Variants in VTCN1 observed in about 807,000 individuals in gnomAD.
VTCN1 encodes V-set domain containing T cell activation inhibitor 1.
A neutral mutation model predicts 26.5 loss-of-function variants in VTCN1; 26 were observed. The ratio of observed to expected loss-of-function variants is 0.98; its 90% confidence interval spans 0.72 to 1.36. The LOEUF is 1.36. VTCN1 is among the 40% of genes most tolerant of loss of function. The probability of loss-of-function intolerance (pLI) is 0.00; values close to 1 mark genes in which losing one functional copy is unlikely to be tolerated. For synonymous variants in VTCN1, 116 were observed against 130.7 expected (o/e 0.89, Z 0.77); for missense variants, 298 against 337.7 (o/e 0.88, Z 0.92).
At chr1:117,149,293 GTT>G (rs1553206854) in intron 4 of VTCN1, among the ~76,000 whole-genome samples, 3 of 141,536 alleles carry the variant, frequency 2.1e-5, no homozygotes, top group Admixed American at 7.1e-5. Context: ...TTTGGGGTGG[GTT>G]TTTTTTTTTT....
Position 117,207,849 on chromosome 1 carries a change from A to G in VTCN1, c.32+2975T>C, listed in dbSNP as rs553560788. 3.3e-5 allele frequency among the ~76,000 whole-genome samples: 5 copies of G among 152,248 alleles called. No homozygotes were observed. In the East Asian group the frequency reaches 5.8e-4, roughly 18 times the overall value. Reference sequence around the variant, plus strand: ...ATCAAATATCACCAGTTTTAAGTCCAGTGTTTCCTGAATCCATTTTCCTCC... The same window carrying G: ...ATCAAATATCACCAGTTTTAAGTCCGGTGTTTCCTGAATCCATTTTCCTCC... On this transcript the variant is annotated intron_variant, in intron 1 of 5. Coordinates refer to ENST00000369458, the MANE Select transcript of VTCN1 (RefSeq NM_024626.4).
intron 1 of VTCN1, among the ~76,000 whole-genome samples, chr1:117,191,922 C>T (rs1188824624): frequency 6.6e-6 from 1 of 152,032 alleles, no homozygotes; most frequent in Non-Finnish European, 1.5e-5. Context: ...TGCCACTGAA[C>T]TCCTGTTCTC....
chr1:117,173,403 G>A (rs1653030674), intron 1 of VTCN1: 2 of 429,636 alleles, frequency 4.7e-6, no homozygotes, highest in Non-Finnish European at 8.3e-6. Context: ...ACCATGTAAA[G>A]ATGAAAGCAG....
At chr1:117,202,895 G>T (rs564726736) in intron 1 of VTCN1, among the ~76,000 whole-genome samples, 5 of 152,340 alleles carry the variant, frequency 3.3e-5, no homozygotes, top group Admixed American at 1.3e-4. Context: ...GAGAGATGGG[G>T]TGGGTAGCTG....
intron 1 of VTCN1, among the ~76,000 whole-genome samples, chr1:117,205,159 G>T (rs10923226): frequency 0.47 from 47,126 of 99,268 alleles, 9,027 homozygotes; most frequent in African/African-American, 0.6. Context: ...TATATATATA[G>T]AGAGAGAGAG....
intron 1 of VTCN1, among the ~76,000 whole-genome samples, chr1:117,173,849 T>C (rs1362699839): frequency 6.6e-6 from 1 of 152,208 alleles, no homozygotes; most frequent in Non-Finnish European, 1.5e-5. Context: ...AAGTTGTGCA[T>C]TTCGGCCAAA....
In VTCN1 at chr1:117,144,483, GATGAC is replaced by G. The variant is rs2101407698; in HGVS notation, c.*783_*787del. On this transcript the variant is annotated 3_prime_UTR_variant, in exon 6 of 6. Transcript: ENST00000369458. ...GGAAAGGAGAAGCCTCAGAGCTTGT[GATGAC>G]ATAATGCCATATAGACAAGGTGAAA... The G allele has an allele frequency of 6.6e-6, 1 of 152,300 alleles. No individual in the cohort carries two copies. The highest frequency in any genetic ancestry group is 2.1e-4 in the South Asian group (1 of 4,828). The allele number at this position is 152,300 out of a possible 1,614,324, so 9.4% of individuals were successfully genotyped here. A position where few individuals can be genotyped will look rare whatever the true frequency, so the allele number is the denominator to read the frequency against.
Position 117,144,348 on chromosome 1 carries a change from CA to C in VTCN1, c.*922del, listed in dbSNP as rs1651404427. 1 of 152,290 alleles carries C rather than the reference CA, an allele frequency of 6.6e-6. No homozygotes were observed. The highest frequency in any genetic ancestry group is 1.5e-5 in the Non-Finnish European group (1 of 68,074). 9.4% of individuals were successfully genotyped at this position (152,290 alleles called of 1,614,324 possible). ...TCCTCCACTCCCTCATTGAGGTAAC[CA>C]AAATTGTCTTCAGACATTCCCCCGG... On this transcript the variant is annotated 3_prime_UTR_variant, in exon 6 of 6. Transcript: ENST00000369458.
intron 1 of VTCN1, among the ~76,000 whole-genome samples, chr1:117,170,671 G>C (rs1324186091): frequency 6.6e-6 from 1 of 151,874 alleles, no homozygotes; most frequent in Non-Finnish European, 1.5e-5. Flanking sequence ...ACTGCACTCC[G>C]TAAGTCATCA....
intron 3 of VTCN1, among the ~76,000 whole-genome samples, chr1:117,154,508 G>A (rs1651963040): frequency 6.6e-6 from 1 of 152,204 alleles, no homozygotes; most frequent in Non-Finnish European, 1.5e-5. Flanking sequence ...TGGAGGCCAG[G>A]CGCAGTGGCA....
At chr1:117,174,504 C>G (rs914986592) in intron 1 of VTCN1, among the ~76,000 whole-genome samples, 1 of 152,198 alleles carries the variant, frequency 6.6e-6, no homozygotes. Context: ...CGGTGACTCA[C>G]GGCTGTAATC....
At position 117,167,354 on chromosome 1, in the gene VTCN1, AC is replaced by A. The variant is rs1471874705; in HGVS notation, c.97+2752del. On this transcript the variant is annotated intron_variant, in intron 2 of 5. Transcript: ENST00000369458. This position sits in a 1 kb window ranked among gnomAD's most constrained non-coding sequence, Gnocchi z 4.1. ...TGCCCTCATGCCCCTCCTCACTGCT[AC>A]CTGCTTACTTGTCCCCAAAGGTAAT... is the stretch of plus-strand genomic sequence containing the variant. 6.6e-6 allele frequency among the ~76,000 whole-genome samples: 1 copy of A among 152,124 alleles called. No individual in the cohort carries two copies. The highest frequency in any genetic ancestry group is 1.5e-5 in the Non-Finnish European group (1 of 68,016).
chr1:117,175,473 G>A lies in VTCN1; in HGVS notation c.33-5302C>T, dbSNP rs1342063933. On this transcript the variant is annotated intron_variant, in intron 1 of 5. Transcript: ENST00000369458. This position sits in a 1 kb window ranked among gnomAD's most constrained non-coding sequence, Gnocchi z 4.2. ...TACTTCTCTGGAGAGGGAGCCCCGT[G>A]TGCAGATGTTCATTCAAAAAAATTC... 6.6e-6 allele frequency among the ~76,000 whole-genome samples: 1 copy of A among 152,228 alleles called. No homozygotes were observed. The highest frequency in any genetic ancestry group is 1.5e-5 in the Non-Finnish European group (1 of 68,052).
At chr1:117,174,546 T>C (rs1372321356) in intron 1 of VTCN1, among the ~76,000 whole-genome samples, 1 of 152,092 alleles carries the variant, frequency 6.6e-6, no homozygotes, top group Non-Finnish European at 1.5e-5. Flanking sequence ...GCGGGCGGAT[T>C]ACCTGAGGTC....
chr1:117,197,020 G>C (rs1223134460), intron 1 of VTCN1, among the ~76,000 whole-genome samples: 1 of 152,054 alleles, frequency 6.6e-6, no homozygotes, highest in Non-Finnish European at 1.5e-5. Context: ...TTGCCTTAAG[G>C]GTAGAAAATT....
chr1:117,178,185 C>T (rs894401271), intron 1 of VTCN1, among the ~76,000 whole-genome samples: 5 of 151,920 alleles, frequency 3.3e-5, no homozygotes, highest in Non-Finnish European at 7.4e-5. Flanking sequence ...GTGATCCTCC[C>T]ATTTTGGTCT....
chr1:117,200,286 G>C (rs1648728845), intron 1 of VTCN1, among the ~76,000 whole-genome samples: 1 of 152,140 alleles, frequency 6.6e-6, no homozygotes, highest in South Asian at 2.1e-4. Flanking sequence ...TGTAATCCCA[G>C]CTACCTGGGA....
Position 117,147,673 on chromosome 1 carries a change from G to A in VTCN1, c.834C>T (p.Tyr278=), listed in dbSNP as rs752103190. 6.2e-6 allele frequency: 10 copies of A among 1,613,728 alleles called. No individual in the cohort carries two copies. The highest frequency in any genetic ancestry group is 5.5e-5 in the South Asian group (5 of 91,070). The stretch of plus-strand genomic sequence containing the variant: ...CCGAGGCACATTATTTTAGCATCAG[G>A]TAAGGGCTGAGAGGCAGAAGTGCCC... ...ISWALLPLSP[Y]LMLK The change falls in exon 5 of 6, where the codon TAC becomes TAT. Residue 278 remains tyrosine, a synonymous_variant. Transcript: ENST00000369458. This position sits in a 1 kb window ranked among gnomAD's most constrained non-coding sequence, Gnocchi z 4.6.
chr1:117,160,402 C>A (rs983709335), intron 2 of VTCN1, among the ~76,000 whole-genome samples: 1 of 152,206 alleles, frequency 6.6e-6, no homozygotes, highest in Non-Finnish European at 1.5e-5. Context: ...TTCATCTTCG[C>A]CTCCATCCAA....
Sources: allele counts gnomAD v4.1 joint callset (sites outside exome capture counted in the v4.1 genomes callset), GRCh38; gene constraint gnomAD v4.1.1; non-coding constraint Gnocchi (gnomAD v3.1); transcripts MANE v1.5; gene names NCBI Gene and HGNC (gene_info 2026-07-23, HGNC 2026-07-21).